Variants in MICU3 observed in about 807,000 individuals in gnomAD.
MICU3 encodes the protein mitochondrial calcium uptake 3.
Under a neutral mutation model 66.5 loss-of-function variants are expected in MICU3, and 62 were observed. The ratio of observed to expected loss-of-function variants is 0.93; its 90% CI spans 0.76 to 1.15. The LOEUF (loss-of-function observed/expected upper bound fraction) is 1.15. Ranked by LOEUF, MICU3 falls within the 50% of genes most tolerant of loss-of-function variation. The pLI is 0.00. For missense variants in MICU3, 779 were observed against 664.4 expected (o/e 1.17, Z -1.90); for synonymous variants, 308 against 240.7 (o/e 1.28, Z -2.59).
intron 11 of MICU3, 50 bp from the exon 12 acceptor site, chr8:17,114,043 T>TCGCCGTATC: frequency 8.3e-7 from 1 of 1,202,606 alleles, no homozygotes; most frequent in South Asian, 1.4e-5. Flanking sequence ...ATCCTGATTT[T>TCGCCGTATC]AATAAATTTG....
chr8:17,031,262 T>TTTATTATTATTATTA (rs60712856), intron 1 of MICU3, among the ~76,000 whole-genome samples: 34 of 139,182 alleles, frequency 2.4e-4, no homozygotes, highest in Non-Finnish European at 3.1e-4. Flanking sequence ...TGCCACTTCA[T>TTTATTATTATTATTA]TTATTATTAT....
intron 1 of MICU3, among the ~76,000 whole-genome samples, chr8:17,048,540 G>A (rs1044445234): frequency 2.0e-5 from 3 of 152,134 alleles, no homozygotes; most frequent in East Asian, 3.9e-4. Flanking sequence ...TCCCTCTCAT[G>A]ACACATGGGA....
At chr8:17,084,459 T>G (rs1219155642) in intron 5 of MICU3, among the ~76,000 whole-genome samples, 2 of 151,958 alleles carry the variant, frequency 1.3e-5, no homozygotes, top group East Asian at 3.9e-4. Flanking sequence ...AATGTATCTG[T>G]GGGGGGTCCC....
chr8:17,103,214 A>G (rs1801427179), intron 9 of MICU3, among the ~76,000 whole-genome samples: 1 of 151,914 alleles, frequency 6.6e-6, no homozygotes, highest in Non-Finnish European at 1.5e-5. Context: ...AGATTTAACA[A>G]ATGTTATGAA....
rs368536597 is a variant in MICU3 at position 17,079,645 on chromosome 8, C to T, written c.646+1784C>T. 9.9e-5 allele frequency among the ~76,000 whole-genome samples: 15 copies of T among 151,952 alleles called. No individual in the cohort carries two copies. The South Asian group carries it at 1.3e-3, about 13-fold the overall frequency. The stretch of plus-strand genomic sequence containing the variant: ...GCAGCCTTGACCTCCTGGGCTTAAG[C>T]GATTCTTCCCCCTCATTTTTTGAGT... On this transcript the variant is annotated intron_variant, in intron 4 of 14. Transcript: ENST00000318063.
chr8:17,095,521 A>T (rs563732867), intron 8 of MICU3, among the ~76,000 whole-genome samples: 175 of 152,054 alleles, frequency 1.2e-3, no homozygotes, highest in South Asian at 5.2e-3. Flanking sequence ...TAGCAAAAAC[A>T]GTTTACTATC....
Position 17,104,529 on chromosome 8 carries a change from C to G in MICU3, c.1085+38C>G, listed in dbSNP as rs1373901278. ...TTATATTTTTATTAAAAATTATTAG[C>G]CTACTGAAATCAGAAGGATCTTTAG... On this transcript the variant is annotated intron_variant, in intron 10 of 14. Coordinates refer to ENST00000318063, the MANE Select transcript of MICU3 (RefSeq NM_181723.3). 9 of 1,110,246 alleles carry G rather than the reference C, an allele frequency of 8.1e-6. No homozygotes were observed. The East Asian group carries it at 2.1e-4, about 26-fold the overall frequency. The allele number at this position is 1,110,246 out of a possible 1,614,324, so 68.8% of individuals were successfully genotyped here. A position where few individuals can be genotyped will look rare whatever the true frequency, so the allele number is the denominator to read the frequency against.
At chr8:17,051,244 A>G (rs1401660533) in intron 1 of MICU3, among the ~76,000 whole-genome samples, 1 of 151,976 alleles carries the variant, frequency 6.6e-6, no homozygotes, top group African/African-American at 2.4e-5. Flanking sequence ...TTATATTTTA[A>G]TTTTTAAAGC....
downstream of MICU3, among the ~76,000 whole-genome samples, chr8:17,126,739 G>T (rs1356986438): frequency 6.6e-6 from 1 of 152,208 alleles, no homozygotes; most frequent in African/African-American, 2.4e-5. Flanking sequence ...ACTACTTCTT[G>T]AAGTGGGAAG....
chr8:17,133,155 T>C, the MICU3 span: 1 of 152,218 alleles, frequency 6.6e-6, no homozygotes, highest in African/African-American at 2.4e-5. Flanking sequence ...ACAAATATAA[T>C]AGAGGAGCCA....
intron 5 of MICU3, among the ~76,000 whole-genome samples, chr8:17,082,773 G>A (rs1020468869): frequency 1.3e-5 from 2 of 152,088 alleles, no homozygotes; most frequent in African/African-American, 2.4e-5. Context: ...GTACTTCTTT[G>A]ATTAAAAAAT....
intron 1 of MICU3, among the ~76,000 whole-genome samples, chr8:17,059,081 A>G (rs2150602926): frequency 6.6e-6 from 1 of 152,318 alleles, no homozygotes; most frequent in African/African-American, 2.4e-5. Context: ...TACATTTGTC[A>G]TTTGTTGACA....
At chr8:17,087,143 T>C in intron 7 of MICU3, 108 bp downstream of exon 7, 1 of 741,346 alleles carries the variant, frequency 1.3e-6, no homozygotes, top group Non-Finnish European at 2.2e-6. Flanking sequence ...GTCCCTTTCT[T>C]GAAAACTTTG....
the MICU3 span, among the ~76,000 whole-genome samples, chr8:17,136,992 G>T: frequency 2.0e-5 from 3 of 151,832 alleles, 1 homozygote; most frequent in Admixed American, 2.0e-4. Context: ...ACGCCACCAC[G>T]CCCAGCTAAT....
intron 2 of MICU3, among the ~76,000 whole-genome samples, chr8:17,066,309 G>A (rs1254358601): frequency 6.6e-6 from 1 of 151,512 alleles, no homozygotes; most frequent in Admixed American, 6.6e-5. Context: ...TACAAAGTCT[G>A]TGCACTCAGG....
At position 17,029,684 on chromosome 8, in the gene MICU3, A is replaced by T. The variant is rs907674201; in HGVS notation, c.381+2024A>T. 3.3e-5 allele frequency among the ~76,000 whole-genome samples: 5 copies of T among 152,012 alleles called. 1 individual carries two copies. Among genetic ancestry groups the T allele is most frequent in the Admixed American group, 3.3e-4 (5 of 15,258 alleles). ...CTCTGAAAACTTTTATGATCTGTTT[A>T]TCCCTGGTGCTTGAAATTTTCACAG... On this transcript the variant is annotated intron_variant, in intron 1 of 14. Transcript: ENST00000318063.
intron 1 of MICU3, among the ~76,000 whole-genome samples, chr8:17,050,280 T>C (rs1408010434): frequency 6.6e-6 from 1 of 152,008 alleles, no homozygotes; most frequent in Non-Finnish European, 1.5e-5. Context: ...ACATATATTT[T>C]TGTGAATTTT....
At chr8:17,030,437 C>T (rs989913070) in intron 1 of MICU3, among the ~76,000 whole-genome samples, 17 of 152,174 alleles carry the variant, frequency 1.1e-4, no homozygotes, top group African/African-American at 3.6e-4. Context: ...TGCTGTTGAG[C>T]GTCTACAAAA....
rs748826347 is a variant in MICU3, at chr8:17,077,780, T to C, written c.568-3T>C. 17 of 1,606,206 alleles carry C rather than the reference T, an allele frequency of 1.1e-5. No homozygotes were observed. Among genetic ancestry groups the C allele is most frequent in the Admixed American group, 3.3e-5 (2 of 59,708 alleles). On this transcript the variant is annotated splice_polypyrimidine_tract_variant and splice_region_variant and intron_variant, in intron 3 of 14. Coordinates refer to ENST00000318063, the MANE Select transcript of MICU3 (RefSeq NM_181723.3). ...TTCATCAGTAGTATAACTTCTGTCA[T>C]AGGAATTAAATCAAATGCTCGCAGA...
Sources: gnomAD v4.1 joint callset for allele counts (sites outside exome capture counted in the v4.1 genomes callset) on GRCh38, gnomAD v4.1.1 for gene constraint, MANE v1.5 for transcripts, NCBI Gene and HGNC (gene_info 2026-07-23, HGNC 2026-07-21) for gene names.